Variants in AFDN observed in about 807,000 individuals in gnomAD.
AFDN encodes the protein afadin, adherens junction formation factor, also known as afadin.
In AFDN, 68 loss-of-function variants were observed where a neutral mutation model predicts 216.6. That is an observed-to-expected ratio of 0.31 (90% CI 0.26 to 0.38). The LOEUF is 0.38. AFDN is among the 10% of genes least tolerant of loss of function. The probability of loss-of-function intolerance (pLI) is 1.00; values close to 1 mark genes in which losing one functional copy is unlikely to be tolerated. For missense variants in AFDN, 2,136 were observed against 2,342.0 expected, an observed-to-expected ratio of 0.91 and a Z score of 1.82; for synonymous variants, 868 against 853.7, an observed-to-expected ratio of 1.02 and a Z score of -0.29.
chr6:167,883,966 C>T (rs1786466509), intron 6 of AFDN, among the ~76,000 whole-genome samples: 1 of 152,176 alleles, frequency 6.6e-6, no homozygotes, highest in Non-Finnish European at 1.5e-5. Context: ...GAAGTCAGTC[C>T]TCCCAACCCC....
At chr6:167,853,725 T>C (rs1213953031) in intron 1 of AFDN, among the ~76,000 whole-genome samples, 1 of 152,108 alleles carries the variant, frequency 6.6e-6, no homozygotes, top group Admixed American at 6.5e-5. Flanking sequence ...ATATAATAGA[T>C]GCTTATGACA....
chr6:167,923,018 G>A, intron 22 of AFDN, 59 bp downstream of exon 22: 2 of 1,225,062 alleles, frequency 1.6e-6, no homozygotes, highest in Non-Finnish European at 2.4e-6. Context: ...AAGATGTGAT[G>A]CAGATTTGTT....
intron 1 of AFDN, among the ~76,000 whole-genome samples, chr6:167,841,023 G>A (rs1781012076): frequency 6.6e-6 from 1 of 152,216 alleles, no homozygotes; most frequent in African/African-American, 2.4e-5. Context: ...GTGTCTGTGA[G>A]ATAAAGGCCT....
At chr6:167,865,671 A>T (rs981328786) in intron 2 of AFDN, among the ~76,000 whole-genome samples, 19 of 152,296 alleles carry the variant, frequency 1.2e-4, no homozygotes, top group African/African-American at 4.6e-4. Context: ...GGTGTTTTGG[A>T]AATGTTGAGT....
chr6:167,885,542 C>T (rs137929928), intron 6 of AFDN, among the ~76,000 whole-genome samples: 1 of 152,320 alleles, frequency 6.6e-6, no homozygotes, highest in African/African-American at 2.4e-5. Flanking sequence ...AACACACACA[C>T]TTATCAGTTA....
At position 167,943,481 on chromosome 6, in the gene AFDN, A is replaced by G. The variant is rs1338195055; in HGVS notation, c.3239+6A>G. 1.2e-6 allele frequency: 2 copies of G among 1,609,200 alleles called. No individual in the cohort carries two copies. The highest frequency in any genetic ancestry group is 1.3e-5 in the African/African-American group (1 of 74,978). On this transcript the variant is annotated splice_donor_region_variant and intron_variant, in intron 25 of 33. Coordinates refer to ENST00000683244, the MANE Select transcript of AFDN (RefSeq NM_001386888.1). The stretch of plus-strand genomic sequence containing the variant: ...GTTGGACTCTCTCAGGAAAGGTATC[A>G]TTGATTTATTTGCTTGAAGCATAGT...
In AFDN at chr6:167,926,245, C is replaced by A. The variant is rs540627172; in HGVS notation, c.3099+1154C>A. On this transcript the variant is annotated intron_variant, in intron 23 of 33. Coordinates refer to ENST00000683244, the MANE Select transcript of AFDN (RefSeq NM_001386888.1). Reference sequence around the variant, plus strand: ...TCAGCTGCTCTAATTTGTGAAGGGTCCGTTTGAAATGAGGGTATAGGGGCA... The same window carrying A: ...TCAGCTGCTCTAATTTGTGAAGGGTACGTTTGAAATGAGGGTATAGGGGCA... 1.8e-4 allele frequency among the ~76,000 whole-genome samples: 28 copies of A among 152,256 alleles called. No individual in the cohort carries two copies. The South Asian group carries it at 5.6e-3, about 30-fold the overall frequency.
chr6:167,920,539 C>G (rs1403394593), intron 21 of AFDN, among the ~76,000 whole-genome samples: 3 of 152,112 alleles, frequency 2.0e-5, no homozygotes, highest in African/African-American at 4.8e-5. Flanking sequence ...CTCGGACAGT[C>G]TCCTCACTCC....
Position 167,918,803 on chromosome 6 carries a change from G to T in AFDN, c.2778G>T (p.Arg926Ser). 1 of 1,613,330 alleles carries T rather than the reference G, an allele frequency of 6.2e-7. No homozygotes were observed. The highest frequency in any genetic ancestry group is 8.5e-7 in the Non-Finnish European group (1 of 1,179,490). ...ATGAGCTGGCCCGCAGTGATGGAAGGGAAGTGCAGTTGGAGGAGGATCCTG... is the reference window on the plus strand; with the variant it reads ...ATGAGCTGGCCCGCAGTGATGGAAGTGAAGTGCAGTTGGAGGAGGATCCTG... ...TADELARSDG[R>S]EVQLEEDPDL... Residue 926 changes from arginine (R) to serine (S), a missense_variant, in exon 21 of 34, where the codon AGG becomes AGT. Around this residue, in one of 8 missense-constraint regions of AFDN, gnomAD observed 162 missense variants for 182.6 expected, o/e 0.89. Coordinates refer to ENST00000683244, the MANE Select transcript of AFDN (RefSeq NM_001386888.1).
At chr6:167,891,655 A>T (rs996630723) in intron 8 of AFDN, among the ~76,000 whole-genome samples, 7 of 152,122 alleles carry the variant, frequency 4.6e-5, no homozygotes, top group Non-Finnish European at 8.8e-5. Flanking sequence ...GAGTAGAGAA[A>T]TACGTGGGCA....
chr6:167,965,145 GTGTT>G (rs1362379581), intron 31 of AFDN: 5 of 805,462 alleles, frequency 6.2e-6, no homozygotes, highest in Non-Finnish European at 7.5e-6. Context: ...GGGAGAATGA[GTGTT>G]TTTTTTTTTT....
intron 8 of AFDN, chr6:167,893,570 C>G (rs182774213): frequency 2.9e-6 from 1 of 343,008 alleles, no homozygotes. Context: ...GGTGGTAGCC[C>G]TCTGTATGAT....
chr6:167,902,003 G>A (rs1180660474), intron 11 of AFDN, among the ~76,000 whole-genome samples: 2 of 148,982 alleles, frequency 1.3e-5, no homozygotes. Flanking sequence ...TGAGGCAGGA[G>A]TATCACTTGA....
At chr6:167,936,860 C>T (rs1444779503) in intron 23 of AFDN, among the ~76,000 whole-genome samples, 1 of 152,172 alleles carries the variant, frequency 6.6e-6, no homozygotes, top group Non-Finnish European at 1.5e-5. Context: ...AAGGTAATTG[C>T]CCATATTGAT....
At chr6:167,934,988 G>A (rs1387147929) in intron 23 of AFDN, among the ~76,000 whole-genome samples, 1 of 152,228 alleles carries the variant, frequency 6.6e-6, no homozygotes, top group East Asian at 1.9e-4. Context: ...TCAGTTCTAG[G>A]GAAAGTTGAA....
chr6:167,930,465 C>T (rs1793144486), intron 23 of AFDN, among the ~76,000 whole-genome samples: 1 of 152,148 alleles, frequency 6.6e-6, no homozygotes, highest in Non-Finnish European at 1.5e-5. Context: ...AACTGCGCTC[C>T]AGAGTGGAAG....
At chr6:167,857,327 C>T (rs1783021731) in intron 1 of AFDN, among the ~76,000 whole-genome samples, 1 of 152,044 alleles carries the variant, frequency 6.6e-6, no homozygotes, top group Non-Finnish European at 1.5e-5. Context: ...ATATCAAGGA[C>T]TTCAATAATG....
chr6:167,970,962 CAT>C lies in AFDN; in HGVS notation c.*1030_*1031del, dbSNP rs1459551386. ...TAACTTAAATATTGTAAGAATAACT[CAT>C]ATGGAAGTTCAAGCTATTTTTATAC... On this transcript the variant is annotated 3_prime_UTR_variant, in exon 34 of 34. Coordinates refer to ENST00000683244, the MANE Select transcript of AFDN (RefSeq NM_001386888.1). The C allele has an allele frequency of 9.4e-6, 2 of 213,240 alleles. No individual in the cohort carries two copies. Among genetic ancestry groups the C allele is most frequent in the Admixed American group, 5.9e-5 (1 of 17,028 alleles). 13.2% of individuals were successfully genotyped at this position (213,240 alleles called of 1,614,324 possible).
In AFDN at chr6:167,962,879, A is replaced by G; in HGVS notation, c.4968+312A>G. On this transcript the variant is annotated intron_variant, in intron 31 of 33. Transcript: ENST00000683244. This position sits in a 1 kb window ranked among gnomAD's most constrained non-coding sequence, Gnocchi z 5.2. ...CCTCGGGCACTCATCTTTACTGAAC[A>G]TGGCCCAGCTTGTCATTGTGAAGGT... 1.7e-6 allele frequency: 2 copies of G among 1,185,504 alleles called. No individual in the cohort carries two copies. The highest frequency in any genetic ancestry group is 2.1e-6 in the Non-Finnish European group (2 of 950,838). The allele number at this position is 1,185,504 out of a possible 1,614,324, so 73.4% of individuals were successfully genotyped here. A position where few individuals can be genotyped will look rare whatever the true frequency, so the allele number is the denominator to read the frequency against.
Sources: allele counts gnomAD v4.1 joint callset (sites outside exome capture counted in the v4.1 genomes callset), GRCh38; gene constraint gnomAD v4.1.1; regional missense constraint gnomAD v4.1.1; non-coding constraint Gnocchi (gnomAD v3.1); transcripts MANE v1.5; gene names NCBI Gene and HGNC (gene_info 2026-07-23, HGNC 2026-07-21).